The following ST7 variants were observed in gnomAD, a reference collection of about 807,000 sequenced individuals.
ST7 encodes suppression of tumorigenicity 7.
ST7 carries 28 observed loss-of-function variants against 78.7 expected under a neutral mutation model. That is an observed-to-expected ratio of 0.36 (90% CI 0.26 to 0.49). The LOEUF (loss-of-function observed/expected upper bound fraction) is 0.49. Among genes scored for constraint, ST7 ranks in the 20% least tolerant of loss-of-function variants. The pLI, the probability that ST7 is intolerant of heterozygous loss-of-function variation, is 0.99. For synonymous variants in ST7, 247 were observed against 249.6 expected (o/e 0.99, Z 0.10); for missense variants, 418 against 696.0 (o/e 0.60, Z 4.49).
At chr7:117,082,606 C>G (rs975579075) in intron 1 of ST7, among the ~76,000 whole-genome samples, 4 of 152,130 alleles carry the variant, frequency 2.6e-5, no homozygotes, top group African/African-American at 9.7e-5. Flanking sequence ...TCATAACTCC[C>G]CTGAAATATA....
chr7:117,218,713 G>A (rs1792873333), intron 13 of ST7, among the ~76,000 whole-genome samples: 2 of 152,098 alleles, frequency 1.3e-5, no homozygotes, highest in Non-Finnish European at 2.9e-5. Flanking sequence ...TCTTGGGGAA[G>A]CATTTTAATC....
intron 13 of ST7, among the ~76,000 whole-genome samples, chr7:117,215,752 T>C (rs1196022378): frequency 6.6e-6 from 1 of 152,216 alleles, no homozygotes; most frequent in Non-Finnish European, 1.5e-5. Context: ...ACTTTCATGA[T>C]TGGATCCTGC....
At position 116,972,787 on chromosome 7, in the gene ST7, T is replaced by C. The variant is rs1435779503; in HGVS notation, c.151+19096T>C. ...GGCCACCTCAGCCTCAGCCTGTTCC[T>C]GGGAACACCTTTCTCCCTCAACTTC... On this transcript the variant is annotated intron_variant, in intron 1 of 15. Coordinates refer to ENST00000323984, the MANE Select transcript of ST7 (RefSeq NM_001369598.1). The C allele has an allele frequency of 4.2e-6, 4 of 950,102 alleles. No homozygotes were observed. In the African/African-American group the frequency reaches 6.4e-5, roughly 15 times the overall value. 58.9% of individuals were successfully genotyped at this position (950,102 alleles called of 1,614,324 possible).
chr7:117,044,545 T>G (rs1451809815), intron 1 of ST7, among the ~76,000 whole-genome samples: 1 of 152,146 alleles, frequency 6.6e-6, no homozygotes, highest in Non-Finnish European at 1.5e-5. Context: ...AAGATGGGGT[T>G]TCACCATATT....
intron 9 of ST7, among the ~76,000 whole-genome samples, chr7:117,156,921 A>AT (rs570527083): frequency 4.7e-4 from 71 of 152,300 alleles, no homozygotes; most frequent in African/African-American, 1.6e-3. Context: ...TTAAAGGAAC[A>AT]TATCTAGATA....
At chr7:116,974,300 T>TG (rs1375321161) in intron 1 of ST7, among the ~76,000 whole-genome samples, 1 of 151,904 alleles carries the variant, frequency 6.6e-6, no homozygotes, top group Non-Finnish European at 1.5e-5. Flanking sequence ...TTCTTTTTTT[T>TG]TTTTTGAGAC....
intron 1 of ST7, among the ~76,000 whole-genome samples, chr7:117,068,030 T>A (rs1798734188): frequency 1.5e-5 from 2 of 129,348 alleles, no homozygotes; most frequent in Non-Finnish European, 3.4e-5. Flanking sequence ...TTCTTTTTCT[T>A]TTTTCTTTTA....
At chr7:117,204,394 G>A (rs1199602973) in intron 12 of ST7, among the ~76,000 whole-genome samples, 2 of 152,162 alleles carry the variant, frequency 1.3e-5, no homozygotes, top group African/African-American at 4.8e-5. Context: ...GCAAACTGAG[G>A]TTCAAAGAAA....
chr7:117,208,170 G>T (rs905248742), intron 12 of ST7, among the ~76,000 whole-genome samples: 3 of 152,070 alleles, frequency 2.0e-5, no homozygotes, highest in African/African-American at 7.2e-5. Flanking sequence ...TTTCCGAAAA[G>T]ATTTTTGTCT....
At chr7:117,203,203 A>G (rs1278868500) in intron 12 of ST7, among the ~76,000 whole-genome samples, 2 of 152,206 alleles carry the variant, frequency 1.3e-5, no homozygotes, top group South Asian at 2.1e-4. Context: ...TTTACAGCCT[A>G]CTTTTTCTAC....
intron 1 of ST7, among the ~76,000 whole-genome samples, chr7:116,991,515 T>C (rs1319649692): frequency 6.6e-6 from 1 of 152,176 alleles, no homozygotes; most frequent in Non-Finnish European, 1.5e-5. Context: ...CTTGTGAGAC[T>C]TGTTCACTAC....
intron 13 of ST7, among the ~76,000 whole-genome samples, chr7:117,217,942 G>C: frequency 6.6e-6 from 1 of 152,166 alleles, no homozygotes; most frequent in South Asian, 2.1e-4. Context: ...TCAGACACCA[G>C]AATAAATACC....
intron 1 of ST7, among the ~76,000 whole-genome samples, chr7:116,992,373 A>G (rs1794469811): frequency 6.6e-6 from 1 of 152,188 alleles, no homozygotes; most frequent in South Asian, 2.1e-4. Flanking sequence ...CCAAACCCCA[A>G]TTCTTGACTT....
chr7:117,041,209 A>C (rs965937606), intron 1 of ST7, among the ~76,000 whole-genome samples: 1 of 152,182 alleles, frequency 6.6e-6, no homozygotes, highest in African/African-American at 2.4e-5. Flanking sequence ...TGTAGAATTG[A>C]ATCTTTACCA....
chr7:117,069,574 A>G (rs1447443103), intron 1 of ST7, among the ~76,000 whole-genome samples: 2 of 152,254 alleles, frequency 1.3e-5, no homozygotes, highest in Non-Finnish European at 2.9e-5. Context: ...AAGAGACAAT[A>G]TCACTCCTTT....
At chr7:117,126,286 T>G (rs1216629128) in intron 3 of ST7, among the ~76,000 whole-genome samples, 1 of 151,926 alleles carries the variant, frequency 6.6e-6, no homozygotes, top group Non-Finnish European at 1.5e-5. Flanking sequence ...AGAAAAAAGT[T>G]TTCAGAGTTA....
intron 2 of ST7, chr7:117,118,570 A>T (rs1260572303): frequency 6.6e-6 from 1 of 152,190 alleles, no homozygotes; most frequent in African/African-American, 2.4e-5. Flanking sequence ...TTCTATGTTA[A>T]TTGCACATTT....
At chr7:117,004,826 ACTTAT>A (rs1795093214) in intron 1 of ST7, among the ~76,000 whole-genome samples, 2 of 152,226 alleles carry the variant, frequency 1.3e-5, no homozygotes, top group Admixed American at 6.5e-5. Flanking sequence ...GACAAAGATA[ACTTAT>A]CTTCCATGGA....
intron 1 of ST7, chr7:117,073,966 G>A (rs970444564): frequency 6.6e-6 from 1 of 152,130 alleles, no homozygotes; most frequent in South Asian, 2.1e-4. Flanking sequence ...AGCAGATCAT[G>A]GAATTGGATT....
Sources: gnomAD v4.1 joint callset for allele counts (sites outside exome capture counted in the v4.1 genomes callset) on GRCh38, gnomAD v4.1.1 for gene constraint, MANE v1.5 for transcripts, NCBI Gene and HGNC (gene_info 2026-07-23, HGNC 2026-07-21) for gene names.